Variants in RPS6KC1 observed in about 807,000 individuals in gnomAD.
RPS6KC1 encodes inactive ribosomal protein S6 kinase delta-1.
RPS6KC1 carries 54 observed loss-of-function variants against 103.8 expected under a neutral mutation model. That is an observed-to-expected ratio of 0.52 (90% CI 0.42 to 0.65). The LOEUF (loss-of-function observed/expected upper bound fraction) is 0.65. Among genes scored for constraint, RPS6KC1 ranks in the 30% least tolerant of loss-of-function variants. The pLI, the probability that RPS6KC1 is intolerant of heterozygous loss-of-function variation, is 0.00. For missense variants in RPS6KC1, 1,151 were observed against 1,253.8 expected (o/e 0.92, Z 1.24); for synonymous variants, 439 against 438.7 (o/e 1.00, Z -0.01).
At chr1:213,646,388 A>C in the RPS6KC1 span, among the ~76,000 whole-genome samples, 2 of 152,206 alleles carry the variant, frequency 1.3e-5, no homozygotes, top group Admixed American at 1.3e-4. Context: ...GATGATAGAA[A>C]GTAGAGCCTG....
In RPS6KC1 at chr1:213,129,782, C is replaced by A; in HGVS notation, c.728C>A (p.Ala243Glu). 1 of 1,613,954 alleles carries A rather than the reference C, an allele frequency of 6.2e-7. No homozygotes were observed. The highest frequency in any genetic ancestry group is 1.3e-5 in the African/African-American group (1 of 74,998). Reference protein sequence around the residue: ...KLGKRDYLEKAGELIKLALKK... With the variant: ...KLGKRDYLEKEGELIKLALKK... ...GGCAAGAGAGATTATTTGGAGAAAG[C>A]AGGAGAATTAATAAAGCTGGCTTTA... Residue 243 changes from alanine (A) to glutamate (E), a missense_variant, in exon 6 of 15, where the codon GCA (alanine) becomes GAA (glutamate). This residue lies in a region of RPS6KC1 where 959 missense variants were observed against 1,006.3 expected (regional missense o/e 0.95). Coordinates refer to ENST00000366960, the MANE Select transcript of RPS6KC1 (RefSeq NM_012424.6).
chr1:213,248,001 G>A (rs991555885), intron 12 of RPS6KC1, among the ~76,000 whole-genome samples: 2 of 152,080 alleles, frequency 1.3e-5, no homozygotes, highest in African/African-American at 4.8e-5. Flanking sequence ...TTTGTTTGGG[G>A]TGAAAGTTGA....
the RPS6KC1 span, among the ~76,000 whole-genome samples, chr1:213,738,837 A>AAAATAAATAAATAAATAAAT: frequency 2.1e-5 from 3 of 143,384 alleles, no homozygotes; most frequent in African/African-American, 7.8e-5. Flanking sequence ...TCTACTCTAA[A>AAAATAAATAAATAAATAAAT]AAATAAATAA....
At chr1:213,362,620 C>T in the RPS6KC1 span, among the ~76,000 whole-genome samples, 2 of 152,130 alleles carry the variant, frequency 1.3e-5, no homozygotes, top group Admixed American at 1.3e-4. Flanking sequence ...ACATATATAT[C>T]GTTAAGTCCT....
chr1:213,749,973 G>T, the RPS6KC1 span, among the ~76,000 whole-genome samples: 2 of 152,240 alleles, frequency 1.3e-5, no homozygotes, highest in Non-Finnish European at 2.9e-5. Context: ...CTCTGGAGCT[G>T]CTTAGACAAA....
At chr1:213,421,299 G>A in the RPS6KC1 span, among the ~76,000 whole-genome samples, 1 of 152,140 alleles carries the variant, frequency 6.6e-6, no homozygotes, top group African/African-American at 2.4e-5. Flanking sequence ...TTTTAGTAGA[G>A]ACAATGTTTC....
the RPS6KC1 span, among the ~76,000 whole-genome samples, chr1:213,512,802 A>G: frequency 2.0e-5 from 3 of 152,192 alleles, no homozygotes; most frequent in Admixed American, 2.0e-4. Context: ...TTTACCATCT[A>G]TCTCTAGTTG....
chr1:213,742,797 C>G, the RPS6KC1 span, among the ~76,000 whole-genome samples: 1 of 152,216 alleles, frequency 6.6e-6, no homozygotes, highest in East Asian at 1.9e-4. Flanking sequence ...CAGGGCAGGT[C>G]TAGTCAGAGT....
At chr1:213,378,985 G>A in the RPS6KC1 span, among the ~76,000 whole-genome samples, 1 of 152,162 alleles carries the variant, frequency 6.6e-6, no homozygotes, top group Non-Finnish European at 1.5e-5. Flanking sequence ...TCCCTGCTAG[G>A]GTCCTAGGGG....
At chr1:213,827,130 C>T in the RPS6KC1 span, among the ~76,000 whole-genome samples, 4 of 152,130 alleles carry the variant, frequency 2.6e-5, no homozygotes, top group Non-Finnish European at 4.4e-5. Context: ...TGGGCAAAGT[C>T]GAGTAAGCCT....
the RPS6KC1 span, among the ~76,000 whole-genome samples, chr1:213,642,751 A>C: frequency 1.3e-5 from 2 of 152,000 alleles, no homozygotes; most frequent in African/African-American, 4.8e-5. Context: ...TTGTAACTTT[A>C]TTAGAACAGA....
At chr1:213,297,589 C>T in the RPS6KC1 span, among the ~76,000 whole-genome samples, 1 of 152,162 alleles carries the variant, frequency 6.6e-6, no homozygotes, top group Admixed American at 6.5e-5. Flanking sequence ...TGTAAGTATA[C>T]ATACCTAGAA....
chr1:213,649,263 A>G, the RPS6KC1 span, among the ~76,000 whole-genome samples: 1 of 151,498 alleles, frequency 6.6e-6, no homozygotes, highest in Non-Finnish European at 1.5e-5. Flanking sequence ...CCACTTAAAA[A>G]AAAAAAAAAA....
At chr1:213,129,986 T>C in intron 6 of RPS6KC1, 97 bp downstream of exon 6, 1 of 1,207,442 alleles carries the variant, frequency 8.3e-7, no homozygotes, top group East Asian at 2.4e-5. Flanking sequence ...CTTATGGAAA[T>C]AATACTGAAA....
At chr1:213,578,465 C>A in the RPS6KC1 span, among the ~76,000 whole-genome samples, 1 of 152,170 alleles carries the variant, frequency 6.6e-6, no homozygotes, top group African/African-American at 2.4e-5. Flanking sequence ...GAACTGTGCA[C>A]CTGGAAAAGT....
intron 1 of RPS6KC1, among the ~76,000 whole-genome samples, chr1:213,058,626 T>C (rs2077553632): frequency 1.3e-5 from 2 of 152,170 alleles, no homozygotes; most frequent in African/African-American, 4.8e-5. Flanking sequence ...GATTCTCTTA[T>C]TTTGTTCCAT....
chr1:213,312,965 A>G, the RPS6KC1 span, among the ~76,000 whole-genome samples: 1 of 152,126 alleles, frequency 6.6e-6, no homozygotes, highest in Non-Finnish European at 1.5e-5. Context: ...CCCTTCCCCC[A>G]CATAGACCCT....
chr1:213,707,340 A>G, the RPS6KC1 span, among the ~76,000 whole-genome samples: 1 of 152,070 alleles, frequency 6.6e-6, no homozygotes, highest in Non-Finnish European at 1.5e-5. Context: ...GGCCGCATAA[A>G]TGTCTTCTTT....
In RPS6KC1 at chr1:213,232,112, TTC is replaced by T; in HGVS notation, c.1093-7_1093-6del. On this transcript the variant is annotated splice_polypyrimidine_tract_variant and intron_variant, in intron 9 of 14. Transcript: ENST00000366960. ...ACTGAGGATACAACTGACCTTTTTGTTCTCTGTCAGGGTCTAAGGAAAAGCAG... is the reference window on the plus strand; with the variant it reads ...ACTGAGGATACAACTGACCTTTTTGTTCTGTCAGGGTCTAAGGAAAAGCAG... 6.2e-7 allele frequency: 1 copy of T among 1,613,418 alleles called. No individual in the cohort carries two copies. The highest frequency in any genetic ancestry group is 8.5e-7 in the Non-Finnish European group (1 of 1,179,666).
Sources: allele counts gnomAD v4.1 joint callset (sites outside exome capture counted in the v4.1 genomes callset), GRCh38; gene constraint gnomAD v4.1.1; regional missense constraint gnomAD v4.1.1; transcripts MANE v1.5; gene names NCBI Gene and HGNC (gene_info 2026-07-23, HGNC 2026-07-21).